Variants in CALR observed in about 807,000 individuals in gnomAD.
The protein encoded by CALR is calreticulin.
CALR carries 15 observed loss-of-function variants against 51.1 expected under a neutral mutation model. That is an observed-to-expected ratio of 0.29 (90% CI 0.20 to 0.45). CALR has a LOEUF of 0.45. Ranked by LOEUF, CALR falls within the 20% of genes least tolerant of loss-of-function variation. The pLI is 1.00. For synonymous variants in CALR, 239 were observed against 205.9 expected, an observed-to-expected ratio of 1.16 and a Z score of -1.38; for missense variants, 477 against 530.6, an observed-to-expected ratio of 0.90 and a Z score of 0.99.
At position 12,940,411 on chromosome 19, in the gene CALR, G is replaced by A. The variant is rs1490417226; in HGVS notation, c.661G>A (p.Glu221Lys). Residue 221 changes from glutamate to lysine, a missense_variant, in exon 5 of 9, where the codon GAG (glutamate) becomes AAG (lysine). Transcript: ENST00000316448. ...PDASKPEDWD[E>K]RAKIDDPTDS... is the part of the protein sequence containing the mutation. ...TGCTTCAAAACCGGAAGACTGGGAT[G>A]AGCGGGCCAAGATCGATGATCCCAC... 1 of 1,614,188 alleles carries A rather than the reference G, an allele frequency of 6.2e-7. No homozygotes were observed. Among genetic ancestry groups the A allele is most frequent in the Admixed American group, 1.7e-5 (1 of 60,020 alleles).
chr19:12,943,973 G>A lies in CALR; in HGVS notation c.*60G>A, dbSNP rs748710698. 82 of 1,592,454 alleles carry A rather than the reference G, an allele frequency of 5.1e-5. No individual in the cohort carries two copies. The African/African-American group carries it at 7.2e-4, about 14-fold the overall frequency. ...GCGCTCCTGCCGCAGAGCTGGCCGC[G>A]CCAAATAATGTCTCTGTGAGACTCG... On this transcript the variant is annotated 3_prime_UTR_variant, in exon 9 of 9. Coordinates refer to ENST00000316448, the MANE Select transcript of CALR (RefSeq NM_004343.4).
chr19:12,943,279 T>G, intron 7 of CALR: 1 of 472,968 alleles, frequency 2.1e-6, no homozygotes, highest in Non-Finnish European at 3.9e-6. Flanking sequence ...AGAGACGGGG[T>G]TTCACCGTGT....
chr19:12,942,949 T>C lies in CALR; in HGVS notation c.961-588T>C, dbSNP rs566234036. ...CTAATTTTTTTTAGTAGAGACAGAGTTTCACTATGTTGCCCAGGTTGGTCT... is the reference window on the plus strand; with the variant it reads ...CTAATTTTTTTTAGTAGAGACAGAGCTTCACTATGTTGCCCAGGTTGGTCT... On this transcript the variant is annotated intron_variant, in intron 7 of 8. Coordinates refer to ENST00000316448, the MANE Select transcript of CALR (RefSeq NM_004343.4). 2.0e-4 allele frequency among the ~76,000 whole-genome samples: 30 copies of C among 151,946 alleles called. No homozygotes were observed. The East Asian group carries it at 5.8e-3, about 29-fold the overall frequency.
intron 7 of CALR, chr19:12,943,313 T>A: frequency 1.7e-6 from 1 of 571,962 alleles, no homozygotes; most frequent in Non-Finnish European, 3.2e-6. Flanking sequence ...CTCGATCTCC[T>A]GACCTCGTGA....
At chr19:12,942,302 G>A (rs1448716225) in intron 7 of CALR, among the ~76,000 whole-genome samples, 3 of 151,182 alleles carry the variant, frequency 2.0e-5, no homozygotes, top group African/African-American at 4.9e-5. Flanking sequence ...GGCGGAGCTT[G>A]CAGTGAGCTG....
chr19:12,938,864 C>A, intron 1 of CALR, 94 bp downstream of exon 1: 1 of 1,004,166 alleles, frequency 1.0e-6, no homozygotes, highest in South Asian at 1.4e-5. Context: ...GTTTAGAGGT[C>A]CAACACGGTG....
Position 12,941,226 on chromosome 19 carries a change from T to C in CALR, c.960+339T>C, listed in dbSNP as rs149158860. Reference sequence around the variant, plus strand: ...TACTTTGGGAGGCTGAGACAGAGGATTGCTTGAGGCCAGGAGTTACACAAC... The same window carrying C: ...TACTTTGGGAGGCTGAGACAGAGGACTGCTTGAGGCCAGGAGTTACACAAC... On this transcript the variant is annotated intron_variant, in intron 7 of 8. Transcript: ENST00000316448. 1.3e-3 allele frequency among the ~76,000 whole-genome samples: 193 copies of C among 152,226 alleles called. 3 individuals carry two copies. Among genetic ancestry groups the C allele is most frequent in the African/African-American group, 4.6e-3 (190 of 41,540 alleles).
At chr19:12,942,538 G>A (rs1481897384) in intron 7 of CALR, among the ~76,000 whole-genome samples, 1 of 151,838 alleles carries the variant, frequency 6.6e-6, no homozygotes, top group East Asian at 1.9e-4. Context: ...ATGGGGGTAG[G>A]AAACCACAAA....
chr19:12,943,010 C>A (rs1246071142), intron 7 of CALR, among the ~76,000 whole-genome samples: 2 of 151,908 alleles, frequency 1.3e-5, no homozygotes. Flanking sequence ...TTCGCCATGA[C>A]CTCCCAAAGT....
chr19:12,940,215 GC>G (rs1344046447), intron 4 of CALR, 27 bp from the exon 5 acceptor site: 2 of 1,609,308 alleles, frequency 1.2e-6, no homozygotes, highest in Admixed American at 1.7e-5. Flanking sequence ...TTGGGGGGTG[GC>G]CCCCGCTCAC....
chr19:12,942,743 C>T lies in CALR; in HGVS notation c.961-794C>T, dbSNP rs560929349. Among the ~76,000 whole-genome samples, 340 of 151,586 alleles carry T rather than the reference C, an allele frequency of 2.2e-3. 1 individual carries two copies. Among genetic ancestry groups the T allele is most frequent in the Admixed American group, 6.2e-3 (94 of 15,198 alleles). ...TCGAGCAGCTGGAATTACAGGCATG[C>T]GCCACGACGCTGGGCTTTTTTTTTT... On this transcript the variant is annotated intron_variant, in intron 7 of 8. Transcript: ENST00000316448.
Position 12,940,553 on chromosome 19 carries a change from C to T in CALR, c.715C>T (p.Pro239Ser). The T allele has an allele frequency of 6.2e-7, 1 of 1,614,128 alleles. No homozygotes were observed. Among genetic ancestry groups the T allele is most frequent in the Non-Finnish European group, 8.5e-7 (1 of 1,179,996 alleles). Residue 239 changes from proline (P) to serine (S), a missense_variant, in exon 6 of 9, where the codon CCC (proline) becomes TCC (serine). Pro to Ser is a moderately conservative substitution (Grantham distance 74). Coordinates refer to ENST00000316448, the MANE Select transcript of CALR (RefSeq NM_004343.4). ...TDSKPEDWDKPEHIPDPDAKK... is the reference protein window; with the variant it reads ...TDSKPEDWDKSEHIPDPDAKK... Reference sequence around the variant, plus strand: ...ATCTACCCCCCAGGACTGGGACAAGCCCGAGCATATCCCTGACCCTGATGC... The same window carrying T: ...ATCTACCCCCCAGGACTGGGACAAGTCCGAGCATATCCCTGACCCTGATGC...
chr19:12,938,613 G>C lies in CALR; in HGVS notation c.-67G>C, dbSNP rs922280180. 3 of 1,251,128 alleles carry C rather than the reference G, an allele frequency of 2.4e-6. No homozygotes were observed. The highest frequency in any genetic ancestry group is 2.3e-6 in the Non-Finnish European group (2 of 874,646). 77.5% of individuals were successfully genotyped at this position (1,251,128 alleles called of 1,614,324 possible). On this transcript the variant is annotated 5_prime_UTR_variant, in exon 1 of 9. Transcript: ENST00000316448. ...GCAAGGCGGGCGGCGGCGTCCGTCCGTACTGCAGAGCCGCTGCCGGAGGGT... is the reference window on the plus strand; with the variant it reads ...GCAAGGCGGGCGGCGGCGTCCGTCCCTACTGCAGAGCCGCTGCCGGAGGGT...
intron 7 of CALR, among the ~76,000 whole-genome samples, chr19:12,941,167 G>A (rs1360911982): frequency 6.6e-6 from 1 of 152,156 alleles, no homozygotes; most frequent in African/African-American, 2.4e-5. Context: ...AGTTAGCTGG[G>A]GCTGGGCACA....
intron 7 of CALR, chr19:12,943,150 T>C (rs1220930686): frequency 4.0e-6 from 1 of 247,766 alleles, no homozygotes; most frequent in East Asian, 1.1e-4. Flanking sequence ...AGTGGCACGA[T>C]CTTGGCTCAC....
chr19:12,939,904 C>A, intron 3 of CALR, 149 bp from the exon 4 acceptor site: 1 of 728,032 alleles, frequency 1.4e-6, no homozygotes. Context: ...CACCCACAGC[C>A]CATTCAGGAC....
rs970377727 is a variant in CALR at position 12,940,385 on chromosome 19, A to T, written c.635A>T (p.Asp212Val). 10 of 1,614,062 alleles carry T rather than the reference A, an allele frequency of 6.2e-6. No individual in the cohort carries two copies. In the Admixed American group the frequency reaches 8.3e-5, roughly 13 times the overall value. Residue 212 changes from aspartate (D) to valine (V), a missense_variant, in exon 5 of 9, where the codon GAT becomes GTT. By Grantham distance (152) the Asp-to-Val change is radical. Coordinates refer to ENST00000316448, the MANE Select transcript of CALR (RefSeq NM_004343.4). ...FLPPKKIKDP[D>V]ASKPEDWDER... Reference sequence around the variant, plus strand: ...CCACCCAAGAAGATAAAGGATCCTGATGCTTCAAAACCGGAAGACTGGGAT... The same window carrying T: ...CCACCCAAGAAGATAAAGGATCCTGTTGCTTCAAAACCGGAAGACTGGGAT...
In CALR at chr19:12,943,960, C is replaced by CAG. The variant is rs773496319; in HGVS notation, c.*50_*51dup. 6.2e-7 allele frequency: 1 copy of CAG among 1,602,006 alleles called. No homozygotes were observed. The highest frequency in any genetic ancestry group is 1.1e-5 in the South Asian group (1 of 88,880). On this transcript the variant is annotated 3_prime_UTR_variant, in exon 9 of 9. Transcript: ENST00000316448. ...GACTGAGGCCTGAGCGCTCCTGCCG[C>CAG]AGAGCTGGCCGCGCCAAATAATGTC...
At chr19:12,942,768 T>A (rs1971566645) in intron 7 of CALR, among the ~76,000 whole-genome samples, 1 of 151,752 alleles carries the variant, frequency 6.6e-6, no homozygotes, top group South Asian at 2.1e-4. Flanking sequence ...CTTTTTTTTT[T>A]TTGAGATGGA....
Sources: gnomAD v4.1 joint callset for allele counts (sites outside exome capture counted in the v4.1 genomes callset) on GRCh38, gnomAD v4.1.1 for gene constraint, MANE v1.5 for transcripts, NCBI Gene and HGNC (gene_info 2026-07-23, HGNC 2026-07-21) for gene names.